Variants in DISC1 observed in about 807,000 individuals in gnomAD.
DISC1 encodes the protein DISC1 scaffold protein.
A neutral mutation model predicts 84.5 loss-of-function variants in DISC1; 57 were observed. That is an observed-to-expected ratio of 0.67 (90% CI 0.55 to 0.84). The LOEUF is 0.84. Ranked by LOEUF, DISC1 falls within the 40% of genes least tolerant of loss-of-function variation. DISC1 has a pLI of 0.00. For synonymous variants in DISC1, 411 were observed against 415.2 expected (o/e 0.99, Z 0.12); for missense variants, 1,000 against 1,057.8 (o/e 0.95, Z 0.76).
At chr1:231,883,372 G>C (rs1162584609) in intron 9 of DISC1, among the ~76,000 whole-genome samples, 1 of 152,142 alleles carries the variant, frequency 6.6e-6, no homozygotes, top group African/African-American at 2.4e-5. Flanking sequence ...ATTCCTATAG[G>C]TAAGTGGTAG....
intron 3 of DISC1, chr1:231,723,140 T>C (rs2070092776): frequency 1.1e-6 from 1 of 937,944 alleles, no homozygotes; most frequent in Non-Finnish European, 1.3e-6. Flanking sequence ...TCAGTGGATA[T>C]GAAAAGTCGG....
chr1:232,015,442 T>C (rs2103015486), intron 11 of DISC1, among the ~76,000 whole-genome samples: 1 of 152,238 alleles, frequency 6.6e-6, no homozygotes, highest in Middle Eastern at 3.4e-3. Flanking sequence ...AAGGACTCAT[T>C]TTCTGCGTTT....
At chr1:231,749,566 A>C (rs2074373052) in intron 3 of DISC1, among the ~76,000 whole-genome samples, 1 of 152,184 alleles carries the variant, frequency 6.6e-6, no homozygotes, top group Non-Finnish European at 1.5e-5. Flanking sequence ...TTAAAAAAGG[A>C]ATTATATAAA....
intron 10 of DISC1, among the ~76,000 whole-genome samples, chr1:231,988,783 C>T (rs1384828876): frequency 6.6e-6 from 1 of 152,184 alleles, no homozygotes; most frequent in Non-Finnish European, 1.5e-5. Context: ...GAACCTCTTC[C>T]CATAAAAATG....
intron 12 of DISC1, among the ~76,000 whole-genome samples, chr1:232,027,791 G>A (rs1669616704): frequency 7.2e-6 from 1 of 139,220 alleles, no homozygotes; most frequent in Admixed American, 7.3e-5. Flanking sequence ...ATACTTTATG[G>A]GCTGTGTGTG....
At chr1:231,817,700 C>T (rs2081162763) in intron 8 of DISC1, among the ~76,000 whole-genome samples, 1 of 152,128 alleles carries the variant, frequency 6.6e-6, no homozygotes, top group Admixed American at 6.5e-5. Flanking sequence ...GTTATTTAGA[C>T]ATAAGATTGA....
intron 9 of DISC1, among the ~76,000 whole-genome samples, chr1:231,873,802 A>G (rs7418900): frequency 0.099 from 15,110 of 152,074 alleles, 999 homozygotes; most frequent in East Asian, 0.32. Context: ...TGTAATTGGA[A>G]TCCCCAAATT....
At chr1:231,818,585 A>G in intron 9 of DISC1, 68 bp downstream of exon 9, 1 of 1,601,782 alleles carries the variant, frequency 6.2e-7, no homozygotes, top group South Asian at 1.1e-5. Context: ...GGCCAGGCAG[A>G]ATGTTCTGTG....
intron 8 of DISC1, among the ~76,000 whole-genome samples, chr1:231,810,827 T>A (rs1038613257): frequency 3.9e-5 from 6 of 152,118 alleles, no homozygotes; most frequent in Non-Finnish European, 5.9e-5. Flanking sequence ...ACATTTTGAG[T>A]CAATTGTTAC....
chr1:231,628,788 A>T (rs1346333918), intron 1 of DISC1, among the ~76,000 whole-genome samples: 2 of 152,102 alleles, frequency 1.3e-5, no homozygotes, highest in African/African-American at 4.8e-5. Context: ...GTCACCCAGG[A>T]TGGAGTGCAG....
At position 231,949,598 on chromosome 1, in the gene DISC1, C is replaced by T. The variant is rs1657944859; in HGVS notation, c.1982-9230C>T. On this transcript the variant is annotated intron_variant, in intron 9 of 12. Coordinates refer to ENST00000439617, the MANE Select transcript of DISC1 (RefSeq NM_018662.3). Reference sequence around the variant, plus strand: ...CTTTGTAAGACAGTTGAGGAGGGCACCTCCAGCCTGGAAAACACTGCGTAG... The same window carrying T: ...CTTTGTAAGACAGTTGAGGAGGGCATCTCCAGCCTGGAAAACACTGCGTAG... 5.3e-5 allele frequency among the ~76,000 whole-genome samples: 8 copies of T among 152,240 alleles called. No homozygotes were observed. In the South Asian group the frequency reaches 1.7e-3, roughly 32 times the overall value.
At chr1:231,971,838 AAG>A (rs1661999410) in intron 10 of DISC1, among the ~76,000 whole-genome samples, 1 of 152,356 alleles carries the variant, frequency 6.6e-6, no homozygotes, top group African/African-American at 2.4e-5. Context: ...TTCATCACAA[AAG>A]CAGGGACTTT....
At position 231,970,028 on chromosome 1, in the gene DISC1, T is replaced by G. The variant is rs148980758; in HGVS notation, c.2042+11140T>G. 2.6e-3 allele frequency among the ~76,000 whole-genome samples: 393 copies of G among 152,304 alleles called. 2 individuals are homozygous for G. Among genetic ancestry groups the G allele is most frequent in the African/African-American group, 8.6e-3 (358 of 41,554 alleles). ...TGGACGTTTGGGTTGGTCCCAAGTCTTTGCTATTGTGAATAGTGCTGCAAT... is the reference window on the plus strand; with the variant it reads ...TGGACGTTTGGGTTGGTCCCAAGTCGTTGCTATTGTGAATAGTGCTGCAAT... On this transcript the variant is annotated intron_variant, in intron 10 of 12. Coordinates refer to ENST00000439617, the MANE Select transcript of DISC1 (RefSeq NM_018662.3).
chr1:231,711,967 T>G (rs540185480), intron 3 of DISC1, among the ~76,000 whole-genome samples: 1 of 152,242 alleles, frequency 6.6e-6, no homozygotes, highest in South Asian at 2.1e-4. Flanking sequence ...TTAGAGACCT[T>G]GATGAGGGCA....
intron 9 of DISC1, among the ~76,000 whole-genome samples, chr1:231,904,905 AAAT>A (rs996422605): frequency 1.2e-4 from 18 of 152,238 alleles, no homozygotes; most frequent in African/African-American, 3.9e-4. Flanking sequence ...GCATAAAAAT[AAAT>A]AATAATAATA....
Position 232,039,004 on chromosome 1 carries a change from G to C in DISC1, c.*2173G>C, listed in dbSNP as rs202081292. The C allele has an allele frequency of 2.0e-5, 3 of 152,236 alleles. No individual in the cohort carries two copies. Among genetic ancestry groups the C allele is most frequent in the Non-Finnish European group, 2.9e-5 (2 of 68,044 alleles). 9.4% of individuals were successfully genotyped at this position (152,236 alleles called of 1,614,324 possible). ...AGGAAACAAAGCAAAAGCACAATATGTGAATGTGCTGATTGTGTTCCCTAT... is the reference window on the plus strand; with the variant it reads ...AGGAAACAAAGCAAAAGCACAATATCTGAATGTGCTGATTGTGTTCCCTAT... On this transcript the variant is annotated 3_prime_UTR_variant, in exon 13 of 13. Coordinates refer to ENST00000439617, the MANE Select transcript of DISC1 (RefSeq NM_018662.3).
At chr1:231,818,667 G>T in intron 9 of DISC1, 150 bp downstream of exon 9, 1 of 1,447,888 alleles carries the variant, frequency 6.9e-7, no homozygotes, top group South Asian at 1.5e-5. Flanking sequence ...TTTTTGGCAG[G>T]TGCCTTGGCA....
intron 10 of DISC1, among the ~76,000 whole-genome samples, chr1:232,000,421 G>A (rs1666537665): frequency 6.6e-6 from 1 of 152,040 alleles, no homozygotes; most frequent in South Asian, 2.1e-4. Context: ...ACAATGGACT[G>A]AAAAAAATGA....
intron 3 of DISC1, among the ~76,000 whole-genome samples, chr1:231,721,825 GA>G (rs948786205): frequency 5.3e-5 from 8 of 151,932 alleles, no homozygotes; most frequent in African/African-American, 9.7e-5. Context: ...AACAAACAAT[GA>G]AAAAAAATCA....
Sources: gnomAD v4.1 joint callset for allele counts (sites outside exome capture counted in the v4.1 genomes callset) on GRCh38, gnomAD v4.1.1 for gene constraint, MANE v1.5 for transcripts, NCBI Gene and HGNC (gene_info 2026-07-23, HGNC 2026-07-21) for gene names.